The following FHIT variants were observed in gnomAD, a reference collection of about 807,000 sequenced individuals.
The protein encoded by FHIT is bis(5'-adenosyl)-triphosphatase.
Under a neutral mutation model 17.9 loss-of-function variants are expected in FHIT, and 19 were observed. The ratio of observed to expected loss-of-function variants is 1.06; its 90% CI spans 0.74 to 1.56. FHIT has a LOEUF of 1.56. Ranked by LOEUF, FHIT falls within the 40% of genes most tolerant of loss-of-function variation. FHIT has a pLI of 0.00. For missense variants in FHIT, 248 were observed against 189.2 expected (o/e 1.31, Z -1.82); for synonymous variants, 81 against 69.7 (o/e 1.16, Z -0.81).
intron 5 of FHIT, among the ~76,000 whole-genome samples, chr3:60,176,020 A>G (rs1701652703): frequency 6.6e-6 from 1 of 152,192 alleles, no homozygotes; most frequent in Admixed American, 6.5e-5. Flanking sequence ...GACGAGTTTT[A>G]AATATCATTG....
chr3:60,646,918 G>T (rs114481852), intron 4 of FHIT, among the ~76,000 whole-genome samples: 2 of 152,136 alleles, frequency 1.3e-5, no homozygotes, highest in East Asian at 1.9e-4. Flanking sequence ...CATATAGAGC[G>T]AAACTGCAAT....
chr3:60,537,964 G>A (rs2036046422), intron 4 of FHIT, among the ~76,000 whole-genome samples: 1 of 77,368 alleles, frequency 1.3e-5, no homozygotes, highest in South Asian at 4.7e-4. Context: ...TTGGCTATTT[G>A]TGATATGCAT....
At chr3:61,044,823 A>G (rs1459478648) in intron 2 of FHIT, among the ~76,000 whole-genome samples, 1 of 152,224 alleles carries the variant, frequency 6.6e-6, no homozygotes, top group Non-Finnish European at 1.5e-5. Flanking sequence ...GTGGAGGCCA[A>G]TATCCAGCAT....
chr3:60,469,607 C>T (rs1024545760), intron 5 of FHIT, among the ~76,000 whole-genome samples: 12 of 152,054 alleles, frequency 7.9e-5, no homozygotes, highest in African/African-American at 2.9e-4. Context: ...TTTTGAATTC[C>T]CTTTCTGAAA....
chr3:60,765,993 C>T (rs754314364), intron 4 of FHIT, among the ~76,000 whole-genome samples: 1 of 152,136 alleles, frequency 6.6e-6, no homozygotes, highest in Non-Finnish European at 1.5e-5. Context: ...CAGTCTGAAG[C>T]CTGCACTGTC....
intron 5 of FHIT, among the ~76,000 whole-genome samples, chr3:60,504,751 G>T (rs1576776218): frequency 6.6e-6 from 1 of 152,232 alleles, no homozygotes; most frequent in East Asian, 1.9e-4. Flanking sequence ...AGGATAAAAT[G>T]TTTCCTTAAG....
intron 5 of FHIT, among the ~76,000 whole-genome samples, chr3:60,466,823 GTTT>G (rs34184253): frequency 0.19 from 25,222 of 135,334 alleles, 2,383 homozygotes; most frequent in African/African-American, 0.26. Flanking sequence ...CTTGCCTGCA[GTTT>G]TTTTTTTTTT....
intron 5 of FHIT, among the ~76,000 whole-genome samples, chr3:60,494,279 A>T (rs2034196897): frequency 6.6e-6 from 1 of 152,184 alleles, no homozygotes; most frequent in Non-Finnish European, 1.5e-5. Flanking sequence ...AATTCTGGAT[A>T]TTTCACATAA....
In FHIT at chr3:59,986,773, A is replaced by T. The variant is rs1309544242; in HGVS notation, c.279+24598T>A. Among the ~76,000 whole-genome samples the T allele has an allele frequency of 7.1e-3, 38 of 5,318 alleles. 5 individuals carry two copies. Among genetic ancestry groups the T allele is most frequent in the Middle Eastern group, 0.071 (1 of 14 alleles). The allele number at this position is 5,318 out of a possible 152,430, so 3.5% of individuals were successfully genotyped here. ...ATATATATATAAATATATTTATATA[A>T]ATATATAAATATATATATATAAATA... On this transcript the variant is annotated intron_variant, in intron 7 of 9. Transcript: ENST00000492590.
At chr3:59,968,295 T>C (rs550184611) in intron 7 of FHIT, among the ~76,000 whole-genome samples, 1 of 152,160 alleles carries the variant, frequency 6.6e-6, no homozygotes, top group Admixed American at 6.6e-5. Flanking sequence ...GATTTCACAA[T>C]ATGAACTGTA....
chr3:60,825,609 T>G (rs557484345), intron 3 of FHIT, among the ~76,000 whole-genome samples: 1 of 152,050 alleles, frequency 6.6e-6, no homozygotes. Flanking sequence ...GCAGGGACAT[T>G]AGGTTCTCAT....
intron 5 of FHIT, among the ~76,000 whole-genome samples, chr3:60,237,487 C>A (rs1381353185): frequency 6.6e-6 from 1 of 152,108 alleles, no homozygotes; most frequent in South Asian, 2.1e-4. Flanking sequence ...GTTTAATTAT[C>A]AGAAGACAGG....
At chr3:60,754,967 C>A (rs1485712525) in intron 4 of FHIT, among the ~76,000 whole-genome samples, 1 of 152,162 alleles carries the variant, frequency 6.6e-6, no homozygotes, top group Non-Finnish European at 1.5e-5. Context: ...CTTAAATATG[C>A]TTTCATTTAT....
intron 2 of FHIT, among the ~76,000 whole-genome samples, chr3:61,090,462 CG>C (rs1285764333): frequency 6.6e-6 from 1 of 152,144 alleles, no homozygotes; most frequent in Non-Finnish European, 1.5e-5. Context: ...AGAATTTGAA[CG>C]GATTTCTAGT....
chr3:61,140,899 T>G (rs2037062085), intron 2 of FHIT, among the ~76,000 whole-genome samples: 1 of 152,192 alleles, frequency 6.6e-6, no homozygotes, highest in Non-Finnish European at 1.5e-5. Context: ...TCTTATCTAA[T>G]GAAAGTCTTG....
chr3:60,500,771 T>TTAAAAAAAAA (rs751877681), intron 5 of FHIT, among the ~76,000 whole-genome samples: 1 of 64,864 alleles, frequency 1.5e-5, no homozygotes, highest in African/African-American at 6.2e-5. Flanking sequence ...AGCATCCATC[T>TTAAAAAAAAA]AAAAAAAAAA....
chr3:59,774,436 C>T (rs955712368), intron 8 of FHIT, among the ~76,000 whole-genome samples: 2 of 152,150 alleles, frequency 1.3e-5, no homozygotes, highest in African/African-American at 2.4e-5. Flanking sequence ...GTGTGAGGTT[C>T]GGCAAGTTAC....
chr3:61,138,472 C>A (rs2036981046), intron 2 of FHIT, among the ~76,000 whole-genome samples: 1 of 152,210 alleles, frequency 6.6e-6, no homozygotes, highest in South Asian at 2.1e-4. Context: ...CACCTCATGG[C>A]CCTGAGCAAG....
chr3:60,352,821 A>T (rs1431626693), intron 5 of FHIT, among the ~76,000 whole-genome samples: 1 of 152,128 alleles, frequency 6.6e-6, no homozygotes, highest in African/African-American at 2.4e-5. Context: ...ACCTAAAAGC[A>T]TTTCTTATCA....
Sources: gnomAD v4.1 joint callset for allele counts (sites outside exome capture counted in the v4.1 genomes callset) on GRCh38, gnomAD v4.1.1 for gene constraint, MANE v1.5 for transcripts, NCBI Gene and HGNC (gene_info 2026-07-23, HGNC 2026-07-21) for gene names.